Variants in ATP13A1 observed in about 807,000 individuals in gnomAD.
ATP13A1 encodes endoplasmic reticulum transmembrane helix translocase.
ATP13A1 carries 55 observed loss-of-function variants against 134.8 expected under a neutral mutation model. The observed-to-expected ratio is 0.41, with a 90% CI of 0.33 to 0.51. ATP13A1 has a LOEUF of 0.51. Ranked by LOEUF, ATP13A1 falls within the 20% of genes least tolerant of loss-of-function variation. The probability of loss-of-function intolerance (pLI) is 0.29; values close to 1 mark genes in which losing one functional copy is unlikely to be tolerated. For missense variants in ATP13A1, 1,389 were observed against 1,652.8 expected (o/e 0.84, Z 2.77); for synonymous variants, 775 against 725.1 (o/e 1.07, Z -1.10).
In ATP13A1 at chr19:19,656,462, A is replaced by G. The variant is rs1259224212; in HGVS notation, c.1083+198T>C. On this transcript the variant is annotated intron_variant, in intron 7 of 25. Transcript: ENST00000357324. This position sits in a 1 kb window ranked among gnomAD's most constrained non-coding sequence, Gnocchi z 4.6. Reference sequence around the variant, plus strand: ...CCTTGGTCTGACATCCCAGGGCACCAATGTACCCTGGATGCCCTTGGCTCT... The same window carrying G: ...CCTTGGTCTGACATCCCAGGGCACCGATGTACCCTGGATGCCCTTGGCTCT... Among the ~76,000 whole-genome samples the G allele has an allele frequency of 6.6e-6, 1 of 151,940 alleles. No homozygotes were observed. Among genetic ancestry groups the G allele is most frequent in the Non-Finnish European group, 1.5e-5 (1 of 67,968 alleles).
Position 19,649,768 on chromosome 19 carries a change from C to T in ATP13A1, c.2508G>A (p.Val836=), listed in dbSNP as rs1455776120. 8.7e-6 allele frequency: 14 copies of T among 1,601,402 alleles called. No individual in the cohort carries two copies. The highest frequency in any genetic ancestry group is 2.2e-5 in the East Asian group (1 of 44,660). Residue 836 remains valine, a synonymous_variant, in exon 18 of 26, where the codon GTG becomes GTA. Coordinates refer to ENST00000357324, the MANE Select transcript of ATP13A1 (RefSeq NM_020410.3). ...TCTGCTTGGGAGCCACACGGGCGAACACCTGCACATGGGGGATGAGGCGGA... is the reference window on the plus strand; with the variant it reads ...TCTGCTTGGGAGCCACACGGGCGAATACCTGCACATGGGGGATGAGGCGGA... ...QLLRLIPHVQ[V]FARVAPKQKE...
intron 4 of ATP13A1, 28 bp from the exon 5 acceptor site, chr19:19,657,177 G>T: frequency 6.7e-7 from 1 of 1,490,002 alleles, no homozygotes; most frequent in Non-Finnish European, 8.9e-7. Flanking sequence ...GTCTGTCCTT[G>T]CCCTACCCGC....
rs199524434 is a variant in ATP13A1, at chr19:19,657,008, G to A, written c.892C>T (p.Pro298Ser). 142 of 1,587,902 alleles carry A rather than the reference G, an allele frequency of 8.9e-5. No individual in the cohort carries two copies. The highest frequency in any genetic ancestry group is 1.2e-4 in the Non-Finnish European group (137 of 1,166,674). ...GGCAGCCACACCTGGATCATGTGGG[G>A]CTTGTTGCCCATCTTCCGGATCTCC... ...MSEIRKMGNK[P>S]HMIQVYRSRK... The change falls in exon 5 of 26, where the codon CCC (proline) becomes TCC (serine). Residue 298 changes from proline (P) to serine (S), a missense_variant. Transcript: ENST00000357324.
rs934411443 is a variant in ATP13A1 at position 19,654,650 on chromosome 19, C to T, written c.1706G>A (p.Arg569Gln). ...PVSSIPVETHRALASCHSLMQ... is the reference protein window; with the variant it reads ...PVSSIPVETHQALASCHSLMQ... Reference sequence around the variant, plus strand: ...GAGCGAGTGGCACGAGGCCAGGGCCCGGTGTGTTTCTACAGGGATGCTGGA... The same window carrying T: ...GAGCGAGTGGCACGAGGCCAGGGCCTGGTGTGTTTCTACAGGGATGCTGGA... The change falls in exon 13 of 26, where the codon CGG (arginine) becomes CAG (glutamine). Residue 569 changes from arginine to glutamine, a missense_variant. This residue lies in a region of ATP13A1 where 747 missense variants were observed against 956.1 expected (regional missense o/e 0.78). Transcript: ENST00000357324. 7.4e-6 allele frequency: 12 copies of T among 1,613,456 alleles called. No individual in the cohort carries two copies. The highest frequency in any genetic ancestry group is 1.7e-5 in the Admixed American group (1 of 59,996).
chr19:19,646,120 C>T, intron 23 of ATP13A1, 85 bp downstream of exon 23: 2 of 1,602,106 alleles, frequency 1.2e-6, no homozygotes, highest in African/African-American at 1.3e-5. Context: ...TGGACAACCC[C>T]CAGCCTCTCC....
intron 3 of ATP13A1, 25 bp from the exon 4 acceptor site, chr19:19,657,433 G>C (rs2062066742): frequency 6.4e-7 from 1 of 1,554,282 alleles, no homozygotes; most frequent in Non-Finnish European, 8.7e-7. Context: ...GCCCCATCCT[G>C]TTCCCAGGGC....
Position 19,647,568 on chromosome 19 carries a change from G to T in ATP13A1, c.2793+31C>A, listed in dbSNP as rs1294930186. ...GCAGGCTGTCAGCCCTGGCCAGGAT[G>T]GGGTGCAGCACCTCCCCTCTTGGGA... On this transcript the variant is annotated intron_variant, in intron 20 of 25. Transcript: ENST00000357324. This position sits in a 1 kb window ranked among gnomAD's most constrained non-coding sequence, Gnocchi z 4.8. 6.2e-7 allele frequency: 1 copy of T among 1,612,670 alleles called. No homozygotes were observed. Among genetic ancestry groups the T allele is most frequent in the African/African-American group, 1.3e-5 (1 of 74,910 alleles).
At chr19:19,646,172 C>G in intron 23 of ATP13A1, 33 bp downstream of exon 23, 4 of 1,612,620 alleles carry the variant, frequency 2.5e-6, no homozygotes, top group Non-Finnish European at 3.4e-6. Flanking sequence ...TTCTCAGCTG[C>G]AGGGACATCA....
intron 19 of ATP13A1, among the ~76,000 whole-genome samples, chr19:19,648,484 C>T (rs1310852107): frequency 1.4e-5 from 2 of 146,204 alleles, no homozygotes; most frequent in African/African-American, 2.6e-5. Flanking sequence ...TTCAATTTAA[C>T]ACCTGAGTTC....
At chr19:19,661,379 C>T (rs1350370131) in intron 1 of ATP13A1, among the ~76,000 whole-genome samples, 1 of 152,202 alleles carries the variant, frequency 6.6e-6, no homozygotes, top group Admixed American at 6.5e-5. Context: ...GGGGCTCGAT[C>T]GTGCCTCAGC....
rs555660993 is a variant in ATP13A1 at position 19,646,045 on chromosome 19, G to A, written c.3249-60C>T. ...CTGCTCCGGCTCACACACACTGTGT[G>A]GCTTCCTGCTGCCCTGGCACAGAGC... On this transcript the variant is annotated intron_variant, in intron 23 of 25. Coordinates refer to ENST00000357324, the MANE Select transcript of ATP13A1 (RefSeq NM_020410.3). 11 of 1,600,324 alleles carry A rather than the reference G, an allele frequency of 6.9e-6. No homozygotes were observed. In the East Asian group the frequency reaches 1.3e-4, roughly 19 times the overall value.
chr19:19,660,349 G>A (rs141429689), intron 1 of ATP13A1, among the ~76,000 whole-genome samples: 21 of 152,306 alleles, frequency 1.4e-4, no homozygotes, highest in African/African-American at 5.1e-4. Context: ...GGACACGGTG[G>A]TGCACACCTG....
chr19:19,649,974 T>C, intron 17 of ATP13A1, 34 bp from the exon 18 acceptor site: 1 of 1,541,822 alleles, frequency 6.5e-7, no homozygotes, highest in Non-Finnish European at 8.7e-7. Flanking sequence ...GGCTGGGGGC[T>C]TGGCTGACCG....
rs779715880 is a variant in ATP13A1, at chr19:19,649,553, C to A, written c.2632+14G>T. The stretch of plus-strand genomic sequence containing the variant: ...CTCGTCCACAAACGAAATACCCTAG[C>A]CCACAGCACTCACCCACGTCAGCAT... On this transcript the variant is annotated intron_variant, in intron 19 of 25. Transcript: ENST00000357324. 5 of 1,611,792 alleles carry A rather than the reference C, an allele frequency of 3.1e-6. No individual in the cohort carries two copies. The highest frequency in any genetic ancestry group is 4.2e-6 in the Non-Finnish European group (5 of 1,178,894).
In ATP13A1 at chr19:19,657,404, C is replaced by A; in HGVS notation, c.682G>T (p.Glu228Ter). Residue 228 changes from glutamate to a stop codon, truncating the protein, a stop_gained, in exon 4 of 26, where the codon GAG becomes TAG. Transcript: ENST00000357324. LOFTEE classifies it high-confidence loss of function. ...TCCGAGAAGTCAGGCACCACCATCT[C>A]GGCCCTGCAAGAGACCAGGCCCCAT... is the stretch of plus-strand genomic sequence containing the variant. ...AEKKFGSNKA[E>*]MVVPDFSELF... is the part of the protein sequence containing the mutation. 6.4e-7 allele frequency: 1 copy of A among 1,565,884 alleles called. No homozygotes were observed. The highest frequency in any genetic ancestry group is 2.4e-5 in the East Asian group (1 of 41,978).
At position 19,655,149 on chromosome 19, in the gene ATP13A1, C is replaced by A. The variant is rs1226257362; in HGVS notation, c.1625G>T (p.Ser542Ile). Residue 542 changes from serine (S) to isoleucine (I), a missense_variant, in exon 12 of 26, where the codon AGC becomes ATC. Ser to Ile is a moderately radical substitution (Grantham distance 142, BLOSUM62 -2). Transcript: ENST00000357324. This position sits in a 1 kb window ranked among gnomAD's most constrained non-coding sequence, Gnocchi z 5.7. ...CCCGGCCACACCGCGCACCACCAGGCTGTCACTGGTCAACGTCCCCGTCTT... is the reference window on the plus strand; with the variant it reads ...CCCGGCCACACCGCGCACCACCAGGATGTCACTGGTCAACGTCCCCGTCTT... The part of the protein sequence containing the change: ...FDKTGTLTSD[S>I]LVVRGVAGLR... The A allele has an allele frequency of 3.1e-6, 5 of 1,614,006 alleles. No individual in the cohort carries two copies. Among genetic ancestry groups the A allele is most frequent in the East Asian group, 2.2e-5 (1 of 44,882 alleles).
In ATP13A1 at chr19:19,659,739, G is replaced by A; in HGVS notation, c.539C>T (p.Ser180Phe). The A allele has an allele frequency of 6.2e-7, 1 of 1,613,942 alleles. No individual in the cohort carries two copies. Among genetic ancestry groups the A allele is most frequent in the Non-Finnish European group, 8.5e-7 (1 of 1,179,874 alleles). Reference protein sequence around the residue: ...LSFEFQKIKYSYDALEKKQFL... With the variant: ...LSFEFQKIKYFYDALEKKQFL... ...CTGCTTCTTCTCCAGGGCATCGTAG[G>A]AATACTTGATCTTCTGGAATTCGAA... The change falls in exon 3 of 26, where the codon TCC (serine) becomes TTC (phenylalanine). Residue 180 changes from serine to phenylalanine, a missense_variant. Ser to Phe is a radical substitution (Grantham distance 155). This residue lies in a region of ATP13A1 where 293 missense variants were observed against 270.8 expected (regional missense o/e 1.08). Coordinates refer to ENST00000357324, the MANE Select transcript of ATP13A1 (RefSeq NM_020410.3).
rs568921217 is a variant in ATP13A1 at position 19,647,525 on chromosome 19, G to A, written c.2797C>T (p.Arg933Cys). 1.2e-5 allele frequency: 19 copies of A among 1,612,408 alleles called. No individual in the cohort carries two copies. Among genetic ancestry groups the A allele is most frequent in the South Asian group, 3.3e-5 (3 of 90,842 alleles). The change falls in exon 21 of 26, where the codon CGC (arginine) becomes TGC (cysteine). Residue 933 changes from arginine (R) to cysteine (C), a missense_variant. By Grantham distance (180) the Arg-to-Cys change is radical. Around this residue, in one of 4 missense-constraint regions of ATP13A1, gnomAD observed 121 missense variants for 104.9 expected, o/e 1.15. Coordinates refer to ENST00000357324, the MANE Select transcript of ATP13A1 (RefSeq NM_020410.3). The surrounding 1 kb of genome is among the most constrained non-coding windows in gnomAD (Gnocchi z 4.8). The part of the protein sequence containing the change: ...SEEQPTSQRD[R>C]LSQVLRDLED... ...AGGTCTCGCAGCACCTGGCTCAGGC[G>A]GTCCTGCAGGGTAGACAGCAGGCTG...
chr19:19,654,195 C>A, intron 13 of ATP13A1, 51 bp from the exon 14 acceptor site: 1 of 1,517,260 alleles, frequency 6.6e-7, no homozygotes. Flanking sequence ...AAAGAGGCAG[C>A]CAAGCCCCTA....
Sources: allele counts gnomAD v4.1 joint callset (sites outside exome capture counted in the v4.1 genomes callset), GRCh38; gene constraint gnomAD v4.1.1; regional missense constraint gnomAD v4.1.1; non-coding constraint Gnocchi (gnomAD v3.1); transcripts MANE v1.5; gene names NCBI Gene and HGNC (gene_info 2026-07-23, HGNC 2026-07-21).